SERTM1: variants seen among roughly 807,000 people sequenced by gnomAD.
SERTM1 encodes the protein serine-rich and transmembrane domain-containing protein 1.
SERTM1 carries 1 observed loss-of-function variant against 5.5 expected under a neutral mutation model. The ratio of observed to expected loss-of-function variants is 0.18; its 90% CI spans 0.06 to 0.86. The LOEUF is 0.86. Ranked by LOEUF, SERTM1 falls within the 40% of genes least tolerant of loss-of-function variation. The pLI, the probability that SERTM1 is intolerant of heterozygous loss-of-function variation, is 0.69. For synonymous variants in SERTM1, 52 were observed against 55.1 expected, an observed-to-expected ratio of 0.94 and a Z score of 0.25; for missense variants, 91 against 122.4, an observed-to-expected ratio of 0.74 and a Z score of 1.21.
At chr13:36,691,734 C>T (rs1275869139) in intron 1 of SERTM1, among the ~76,000 whole-genome samples, 6 of 152,100 alleles carry the variant, frequency 3.9e-5, no homozygotes, top group African/African-American at 1.2e-4. Flanking sequence ...AAGATGAAGT[C>T]TCTTTCTTCT....
rs2056818612 is a variant in SERTM1 at position 36,696,974 on chromosome 13, T to C, written c.*1572T>C. The C allele has an allele frequency of 1.2e-5, 2 of 167,036 alleles. No individual in the cohort carries two copies. Among genetic ancestry groups the C allele is most frequent in the Admixed American group, 1.3e-4 (2 of 15,274 alleles). The allele number at this position is 167,036 out of a possible 1,614,324, so 10.3% of individuals were successfully genotyped here. On this transcript the variant is annotated 3_prime_UTR_variant, in exon 2 of 2. Transcript: ENST00000315190. Reference sequence around the variant, plus strand: ...CCACTATTTGTACAGGGTTTATCTTTATCATACTAAAATGCTGAGTGAGTG... The same window carrying C: ...CCACTATTTGTACAGGGTTTATCTTCATCATACTAAAATGCTGAGTGAGTG...
chr13:36,694,139 C>T (rs1397762329), intron 1 of SERTM1, among the ~76,000 whole-genome samples: 1 of 152,120 alleles, frequency 6.6e-6, no homozygotes, highest in East Asian at 1.9e-4. Flanking sequence ...GGTGTTGGAC[C>T]ATTTTACAAA....
At chr13:36,683,026 G>A (rs979858126) in intron 1 of SERTM1, among the ~76,000 whole-genome samples, 1 of 152,094 alleles carries the variant, frequency 6.6e-6, no homozygotes, top group African/African-American at 2.4e-5. Flanking sequence ...CTCCCAAGTA[G>A]CTAGTTTTTC....
intron 1 of SERTM1, among the ~76,000 whole-genome samples, chr13:36,676,445 G>A (rs183391509): frequency 2.9e-3 from 438 of 151,972 alleles, no homozygotes; most frequent in Admixed American, 5.9e-3. Context: ...CAGTTTGTAC[G>A]AGCATTTTTA....
At position 36,678,695 on chromosome 13, in the gene SERTM1, A is replaced by AT. The variant is rs1395603891; in HGVS notation, c.-174+4511_-174+4512insT. On this transcript the variant is annotated intron_variant, in intron 1 of 1. Transcript: ENST00000315190. ...AAATAAAATTTATATATATATATAT[A>AT]AAATATAGTCCTTTTTAATATAAGA... 2.8e-3 allele frequency among the ~76,000 whole-genome samples: 414 copies of AT among 147,360 alleles called. 10 individuals are homozygous for AT. Among genetic ancestry groups the AT allele is most frequent in the African/African-American group, 9.7e-3 (389 of 40,058 alleles).
intron 1 of SERTM1, among the ~76,000 whole-genome samples, chr13:36,694,173 C>T (rs929916303): frequency 3.9e-4 from 59 of 152,144 alleles, no homozygotes; most frequent in Admixed American, 3.3e-4. Context: ...GCTCAGAAAA[C>T]GTAGGTAATT....
rs1156597109 is a variant in SERTM1 at position 36,696,222 on chromosome 13, G to A, written c.*820G>A. 2 of 166,854 alleles carry A rather than the reference G, an allele frequency of 1.2e-5. No homozygotes were observed. The highest frequency in any genetic ancestry group is 2.9e-5 in the Non-Finnish European group (2 of 68,124). 10.3% of individuals were successfully genotyped at this position (166,854 alleles called of 1,614,324 possible). A position where few individuals can be genotyped will look rare whatever the true frequency, so the allele number is the denominator to read the frequency against. On this transcript the variant is annotated 3_prime_UTR_variant, in exon 2 of 2. Transcript: ENST00000315190. ...TTATATGAATAATTTCTATCAGTGA[G>A]AATTAAGCATATGGAAAATATTCAT... is the stretch of plus-strand genomic sequence containing the variant.
chr13:36,677,096 C>T (rs1217224319), intron 1 of SERTM1, among the ~76,000 whole-genome samples: 1 of 152,134 alleles, frequency 6.6e-6, no homozygotes, highest in African/African-American at 2.4e-5. Context: ...TGATTTGTGG[C>T]AGATGTATCC....
rs2138103183 is a variant in SERTM1 at position 36,696,040 on chromosome 13, T to G, written c.*638T>G. On this transcript the variant is annotated 3_prime_UTR_variant, in exon 2 of 2. Coordinates refer to ENST00000315190, the MANE Select transcript of SERTM1 (RefSeq NM_203451.3). ...ACATTTTAATAGCAAGACAAACATG[T>G]ATTATGATGGAGCTTGTGATGTATT... The G allele has an allele frequency of 6.0e-6, 1 of 167,212 alleles. No homozygotes were observed. Among genetic ancestry groups the G allele is most frequent in the East Asian group, 1.9e-4 (1 of 5,190 alleles). 10.4% of individuals were successfully genotyped at this position (167,212 alleles called of 1,614,324 possible). A position where few individuals can be genotyped will look rare whatever the true frequency, so the allele number is the denominator to read the frequency against.
intron 1 of SERTM1, among the ~76,000 whole-genome samples, chr13:36,674,407 C>T (rs1200131408): frequency 6.6e-6 from 1 of 152,088 alleles, no homozygotes; most frequent in Non-Finnish European, 1.5e-5. Flanking sequence ...GCAATCGCAG[C>T]CCGGCTCTCC....
At chr13:36,692,541 T>C (rs2056785925) in intron 1 of SERTM1, among the ~76,000 whole-genome samples, 2 of 152,354 alleles carry the variant, frequency 1.3e-5, no homozygotes, top group African/African-American at 4.8e-5. Context: ...AGAGAGACCT[T>C]GAAAGTTCCT....
intron 1 of SERTM1, among the ~76,000 whole-genome samples, chr13:36,682,689 A>G (rs1166765435): frequency 6.6e-6 from 1 of 152,188 alleles, no homozygotes; most frequent in Non-Finnish European, 1.5e-5. Flanking sequence ...AGACTGGAAA[A>G]GTAGCCTGTG....
intron 1 of SERTM1, among the ~76,000 whole-genome samples, chr13:36,675,047 G>T (rs1000626376): frequency 6.6e-6 from 1 of 152,164 alleles, no homozygotes; most frequent in African/African-American, 2.4e-5. Flanking sequence ...GAAATATCTT[G>T]TTGAGGACCA....
intron 1 of SERTM1, among the ~76,000 whole-genome samples, chr13:36,684,933 T>A (rs2056730562): frequency 6.6e-6 from 1 of 152,238 alleles, no homozygotes. Flanking sequence ...GGTCACTACT[T>A]TGGCAGTCTG....
At position 36,696,355 on chromosome 13, in the gene SERTM1, G is replaced by A. The variant is rs575833493; in HGVS notation, c.*953G>A. 4 of 166,026 alleles carry A rather than the reference G, an allele frequency of 2.4e-5. No individual in the cohort carries two copies. The highest frequency in any genetic ancestry group is 9.6e-5 in the African/African-American group (4 of 41,548). 10.3% of individuals were successfully genotyped at this position (166,026 alleles called of 1,614,324 possible). ...CAGAATTATATTAAGCCTCCAAGAT[G>A]TCTGATATTTGTTCACTCACATTAG... On this transcript the variant is annotated 3_prime_UTR_variant, in exon 2 of 2. Transcript: ENST00000315190.
chr13:36,686,775 A>G (rs1341133582), intron 1 of SERTM1, among the ~76,000 whole-genome samples: 1 of 152,166 alleles, frequency 6.6e-6, no homozygotes, highest in Non-Finnish European at 1.5e-5. Context: ...GCTTTATAAC[A>G]AAGCTGGTTT....
intron 1 of SERTM1, among the ~76,000 whole-genome samples, chr13:36,689,893 C>T (rs2138095746): frequency 6.6e-6 from 1 of 152,096 alleles, no homozygotes; most frequent in Non-Finnish European, 1.5e-5. Flanking sequence ...TCCAGGTAGA[C>T]AAAAACCATC....
chr13:36,685,440 G>A (rs966262453), intron 1 of SERTM1, among the ~76,000 whole-genome samples: 1 of 152,204 alleles, frequency 6.6e-6, no homozygotes, highest in Non-Finnish European at 1.5e-5. Context: ...CGTGTTTTAT[G>A]TAACCTCTGT....
At chr13:36,676,722 CT>C in intron 1 of SERTM1, among the ~76,000 whole-genome samples, 1 of 152,008 alleles carries the variant, frequency 6.6e-6, no homozygotes, top group South Asian at 2.1e-4. Flanking sequence ...CTTGTGGAGG[CT>C]ATTATATTAT....
Sources: gnomAD v4.1 joint callset for allele counts (sites outside exome capture counted in the v4.1 genomes callset) on GRCh38, gnomAD v4.1.1 for gene constraint, MANE v1.5 for transcripts, NCBI Gene and HGNC (gene_info 2026-07-23, HGNC 2026-07-21) for gene names.